HEXB: variants seen among roughly 807,000 people sequenced by gnomAD.
HEXB encodes beta-hexosaminidase subunit beta.
In HEXB, 51 loss-of-function variants were observed where a neutral mutation model predicts 71.2. That is an observed-to-expected ratio of 0.72 (90% CI 0.57 to 0.90). The LOEUF is 0.90. HEXB is among the 40% of genes least tolerant of loss of function. HEXB has a pLI of 0.00. For missense variants in HEXB, 617 were observed against 677.0 expected (o/e 0.91, Z 0.98); for synonymous variants, 266 against 249.3 (o/e 1.07, Z -0.63).
At chr5:74,669,126 T>C (rs567293175) in intron 1 of HEXB, among the ~76,000 whole-genome samples, 109 of 152,234 alleles carry the variant, frequency 7.2e-4, no homozygotes, top group African/African-American at 2.4e-3. Flanking sequence ...TAATTTTTTG[T>C]ATTTTTAATA....
At chr5:74,665,664 T>C (rs1748419388) in intron 1 of HEXB, among the ~76,000 whole-genome samples, 1 of 152,188 alleles carries the variant, frequency 6.6e-6, no homozygotes, top group Non-Finnish European at 1.5e-5. Flanking sequence ...AAGCTATAAA[T>C]ATTACAGAAG....
At chr5:74,658,671 C>A (rs1291471711) in intron 1 of HEXB, among the ~76,000 whole-genome samples, 2 of 152,076 alleles carry the variant, frequency 1.3e-5, no homozygotes, top group Non-Finnish European at 2.9e-5. Context: ...TCTTGGGTAC[C>A]AGGGAAATAA....
chr5:74,684,399 G>A (rs1748800774), upstream of HEXB, among the ~76,000 whole-genome samples: 1 of 152,226 alleles, frequency 6.6e-6, no homozygotes, highest in South Asian at 2.1e-4. Flanking sequence ...CCTTGGGCAT[G>A]CTCTGCCCCA....
Position 74,701,793 on chromosome 5 carries a change from C to T in HEXB, c.670-3426C>T, listed in dbSNP as rs1028714579. Among the ~76,000 whole-genome samples the T allele has an allele frequency of 9.2e-5, 14 of 152,004 alleles. No individual in the cohort carries two copies. The East Asian group carries it at 2.1e-3, about 23-fold the overall frequency. On this transcript the variant is annotated intron_variant, in intron 5 of 13. Transcript: ENST00000261416. ...GCTTTATTCTCCCTCTCTAAAAATACGTTTTCTAAACCACATGGGCACATA... is the reference window on the plus strand; with the variant it reads ...GCTTTATTCTCCCTCTCTAAAAATATGTTTTCTAAACCACATGGGCACATA...
Position 74,720,700 on chromosome 5 carries a change from G to GGAT in HEXB, c.1569_1571dup (p.Asp524dup). ...GGAGTTCCAAAGATGTCAGAGATATGGATGACGCCTATGACAGACTGACAA... is the reference window on the plus strand; with the variant it reads ...GGAGTTCCAAAGATGTCAGAGATATGGATGATGACGCCTATGACAGACTGACAA... On this transcript the variant is annotated inframe_insertion, in exon 13 of 14. Transcript: ENST00000261416. The GGAT allele has an allele frequency of 6.2e-7, 1 of 1,614,168 alleles. No individual in the cohort carries two copies. The highest frequency in any genetic ancestry group is 8.5e-7 in the Non-Finnish European group (1 of 1,180,008).
chr5:74,719,312 C>G (rs897636587), intron 11 of HEXB, among the ~76,000 whole-genome samples: 2 of 152,116 alleles, frequency 1.3e-5, no homozygotes, highest in African/African-American at 4.8e-5. Context: ...CTTACATGCC[C>G]TCTTCTGAAC....
At chr5:74,642,721 G>T (rs1747927053) in intron 1 of HEXB, among the ~76,000 whole-genome samples, 1 of 152,066 alleles carries the variant, frequency 6.6e-6, no homozygotes, top group African/African-American at 2.4e-5. Context: ...ACTAGGGACA[G>T]GTATGTATCT....
intron 2 of HEXB, among the ~76,000 whole-genome samples, chr5:74,690,649 C>CAAAAAAAA (rs60786265): frequency 8.4e-5 from 5 of 59,748 alleles, no homozygotes; most frequent in Admixed American, 4.8e-4. Context: ...GAGACAGTCT[C>CAAAAAAAA]AAAAAAAAAA....
chr5:74,658,216 A>C (rs1355377194), intron 1 of HEXB, among the ~76,000 whole-genome samples: 4 of 152,170 alleles, frequency 2.6e-5, no homozygotes, highest in Non-Finnish European at 4.4e-5. Flanking sequence ...ATGGGCCTCA[A>C]AGCAACTGCA....
chr5:74,713,768 A>T (rs1749610232), intron 7 of HEXB, 133 bp downstream of exon 7: 1 of 733,648 alleles, frequency 1.4e-6, no homozygotes, highest in Non-Finnish European at 2.4e-6. Flanking sequence ...GGATCAAGCG[A>T]TTCTCCTGCC....
intron 1 of HEXB, among the ~76,000 whole-genome samples, chr5:74,669,210 A>G (rs929674389): frequency 7.9e-5 from 12 of 152,214 alleles, no homozygotes; most frequent in African/African-American, 2.9e-4. Context: ...ATACTATGCC[A>G]TCACTAGCTG....
At chr5:74,705,447 AT>A (rs1164343817) in intron 6 of HEXB, 127 bp downstream of exon 6, 10 of 699,474 alleles carry the variant, frequency 1.4e-5, no homozygotes, top group African/African-American at 7.2e-5. Context: ...ATGGTTTTTA[AT>A]TTTTTTGGCT....
chr5:74,693,353 T>TC, intron 2 of HEXB: 1 of 486,892 alleles, frequency 2.1e-6, no homozygotes, highest in South Asian at 2.1e-5. Flanking sequence ...TCTGAGTGAC[T>TC]CAAGTGACTG....
chr5:74,710,963 GC>G, intron 6 of HEXB, among the ~76,000 whole-genome samples: 1 of 151,930 alleles, frequency 6.6e-6, no homozygotes, highest in Admixed American at 6.6e-5. Flanking sequence ...CCAAAAAAGA[GC>G]CCACATTACC....
At chr5:74,672,486 C>T (rs919764019) in intron 1 of HEXB, among the ~76,000 whole-genome samples, 2 of 152,202 alleles carry the variant, frequency 1.3e-5, no homozygotes, top group Non-Finnish European at 2.9e-5. Context: ...GATCCACAGC[C>T]TCTGAAGCTA....
intron 1 of HEXB, 124 bp from the exon 2 acceptor site, chr5:74,689,204 C>G (rs1748940150): frequency 1.3e-6 from 1 of 777,470 alleles, no homozygotes. Flanking sequence ...GGGTGAGAAT[C>G]TCTAGTTGGA....
chr5:74,664,492 C>A (rs1748399087), intron 1 of HEXB, among the ~76,000 whole-genome samples: 1 of 142,456 alleles, frequency 7.0e-6, no homozygotes, highest in African/African-American at 2.6e-5. Flanking sequence ...GCGCTGTTAA[C>A]CATTTAAAAA....
intron 1 of HEXB, among the ~76,000 whole-genome samples, chr5:74,676,704 T>C (rs1365143480): frequency 7.2e-5 from 11 of 151,972 alleles, no homozygotes; most frequent in Non-Finnish European, 1.5e-4. Flanking sequence ...AGGCGGAGGT[T>C]GCAGTGAGCT....
chr5:74,655,834 G>C lies in HEXB; in HGVS notation c.-377+15276G>C, dbSNP rs75024064. ...AAAAATTATCTCCATTTATAGGTAA[G>C]AATACTGGCACTTGGAATGATCAAG... On this transcript the variant is annotated intron_variant, in intron 1 of 13. Coordinates refer to the HEXB transcript ENST00000511181. 6.6e-3 allele frequency among the ~76,000 whole-genome samples: 1,009 copies of C among 152,182 alleles called. 11 individuals are homozygous for C. The highest frequency in any genetic ancestry group is 0.023 in the African/African-American group (967 of 41,512).
Sources: allele counts gnomAD v4.1 joint callset (sites outside exome capture counted in the v4.1 genomes callset), GRCh38; gene constraint gnomAD v4.1.1; transcripts MANE v1.5; gene names NCBI Gene and HGNC (gene_info 2026-07-23, HGNC 2026-07-21).